NLK: variants seen among roughly 807,000 people sequenced by gnomAD.
The protein encoded by NLK is nemo like kinase.
NLK carries 11 observed loss-of-function variants against 59.0 expected under a neutral mutation model. That is an observed-to-expected ratio of 0.19 (90% confidence interval 0.12 to 0.31). NLK has a LOEUF of 0.31. Among genes scored for constraint, NLK ranks in the 10% least tolerant of loss-of-function variants. The probability of loss-of-function intolerance (pLI) is 1.00; values close to 1 mark genes in which losing one functional copy is unlikely to be tolerated. For missense variants in NLK, 410 were observed against 661.1 expected (o/e 0.62, Z 4.16); for synonymous variants, 235 against 235.9 (o/e 1.00, Z 0.03).
chr17:28,073,170 A>C (rs1368211871), intron 1 of NLK, among the ~76,000 whole-genome samples: 1 of 152,034 alleles, frequency 6.6e-6, no homozygotes, highest in Non-Finnish European at 1.5e-5. Context: ...GTGGAGACAT[A>C]TTTCTGTTTT....
At chr17:28,153,273 TC>T (rs1907562011) in intron 3 of NLK, among the ~76,000 whole-genome samples, 1 of 127,758 alleles carries the variant, frequency 7.8e-6, no homozygotes. Context: ...AAATTCCCCC[TC>T]AAAAAAAAAA....
chr17:28,199,492 C>A (rs1909567985), downstream of NLK, among the ~76,000 whole-genome samples: 1 of 151,874 alleles, frequency 6.6e-6, no homozygotes, highest in South Asian at 2.1e-4. Flanking sequence ...ATGGTGAAAA[C>A]CCGTCTCTAC....
downstream of NLK, among the ~76,000 whole-genome samples, chr17:28,200,261 AC>A (rs1909595461): frequency 6.6e-6 from 1 of 152,006 alleles, no homozygotes; most frequent in Non-Finnish European, 1.5e-5. Flanking sequence ...ATTTTCTCCT[AC>A]TTTTCTCTAA....
chr17:28,180,948 A>G (rs2142065139), intron 7 of NLK, among the ~76,000 whole-genome samples: 1 of 152,324 alleles, frequency 6.6e-6, no homozygotes, highest in African/African-American at 2.4e-5. Flanking sequence ...ATAGACTCAC[A>G]CATTTTTAAA....
rs1054544906 is a variant in NLK at position 28,060,183 on chromosome 17, G to A, written c.458+16852G>A. Among the ~76,000 whole-genome samples the A allele has an allele frequency of 2.0e-5, 3 of 152,188 alleles. No individual in the cohort carries two copies. In the South Asian group the frequency reaches 6.2e-4, roughly 32 times the overall value. ...CATTATATACAAAAATGAAGTCCAAGTGGATTAAAGATTTTAAGAAACAAA... is the reference window on the plus strand; with the variant it reads ...CATTATATACAAAAATGAAGTCCAAATGGATTAAAGATTTTAAGAAACAAA... On this transcript the variant is annotated intron_variant, in intron 1 of 10. Coordinates refer to ENST00000407008, the MANE Select transcript of NLK (RefSeq NM_016231.5).
chr17:28,118,430 A>G (rs1434199604), intron 1 of NLK, among the ~76,000 whole-genome samples: 9 of 152,202 alleles, frequency 5.9e-5, no homozygotes, highest in African/African-American at 2.2e-4. Context: ...AAAACTGCTA[A>G]CACATGGGGG....
At chr17:28,065,439 ATG>A (rs1170677309) in intron 1 of NLK, among the ~76,000 whole-genome samples, 2 of 152,160 alleles carry the variant, frequency 1.3e-5, no homozygotes, top group Non-Finnish European at 2.9e-5. Flanking sequence ...TGTAGGATGA[ATG>A]TGATCGCTAA....
At chr17:28,068,605 C>T (rs898510892) in intron 1 of NLK, among the ~76,000 whole-genome samples, 2 of 151,896 alleles carry the variant, frequency 1.3e-5, no homozygotes, top group South Asian at 2.1e-4. Flanking sequence ...GTTTTTAAAA[C>T]GTATATTTAT....
At chr17:28,158,138 G>GTA (rs1370341232) in intron 3 of NLK, among the ~76,000 whole-genome samples, 1 of 152,138 alleles carries the variant, frequency 6.6e-6, no homozygotes. Flanking sequence ...AACCTAGATG[G>GTA]TATAGCCTAT....
intron 7 of NLK, among the ~76,000 whole-genome samples, chr17:28,173,828 G>C (rs1420130509): frequency 3.3e-5 from 5 of 152,168 alleles, no homozygotes; most frequent in African/African-American, 1.2e-4. Context: ...TGTGTCCTTA[G>C]AAGTAGCAAA....
intron 1 of NLK, among the ~76,000 whole-genome samples, chr17:28,057,629 G>C (rs1909486981): frequency 6.6e-6 from 1 of 152,124 alleles, no homozygotes; most frequent in Admixed American, 6.5e-5. Context: ...GTAAGATCTG[G>C]TTTCACAATT....
At chr17:28,059,887 A>G (rs952008043) in intron 1 of NLK, among the ~76,000 whole-genome samples, 2 of 152,252 alleles carry the variant, frequency 1.3e-5, no homozygotes, top group East Asian at 1.9e-4. Flanking sequence ...TTCATCATAC[A>G]GATAAAATAG....
At chr17:28,055,197 A>G (rs187615546) in intron 1 of NLK, among the ~76,000 whole-genome samples, 30 of 151,352 alleles carry the variant, frequency 2.0e-4, no homozygotes, top group Admixed American at 3.3e-4. Context: ...GGTTCAAGCA[A>G]TTCTTCTGCC....
chr17:28,073,995 C>G (rs1316688207), intron 1 of NLK, among the ~76,000 whole-genome samples: 1 of 152,170 alleles, frequency 6.6e-6, no homozygotes, highest in African/African-American at 2.4e-5. Context: ...CTAGCTAGGA[C>G]TGTTATAACT....
chr17:28,096,800 G>A (rs1904716628), intron 1 of NLK, among the ~76,000 whole-genome samples: 1 of 152,182 alleles, frequency 6.6e-6, no homozygotes, highest in Non-Finnish European at 1.5e-5. Flanking sequence ...AATCACTGGT[G>A]TCAGAGAAAC....
At chr17:28,154,417 A>ATAAATGATTAACCCAGGAAGGAGGATC (rs1907614916) in intron 3 of NLK, among the ~76,000 whole-genome samples, 1 of 152,186 alleles carries the variant, frequency 6.6e-6, no homozygotes, top group South Asian at 2.1e-4. Flanking sequence ...ACTCTTCTGA[A>ATAAATGATTAACCCAGGAAGGAGGATC]TAAATGATTA....
At chr17:28,071,746 T>A (rs1910013976) in intron 1 of NLK, among the ~76,000 whole-genome samples, 1 of 152,218 alleles carries the variant, frequency 6.6e-6, no homozygotes. Context: ...GAAGGCTTCA[T>A]CAGAAAGAAT....
intron 2 of NLK, among the ~76,000 whole-genome samples, chr17:28,130,270 A>G (rs1286201477): frequency 6.6e-6 from 1 of 152,168 alleles, no homozygotes; most frequent in Non-Finnish European, 1.5e-5. Context: ...CTCTGCCACT[A>G]TACCTTCTCA....
At chr17:28,187,763 C>T (rs1210143156) in intron 8 of NLK, among the ~76,000 whole-genome samples, 1 of 152,162 alleles carries the variant, frequency 6.6e-6, no homozygotes, top group Non-Finnish European at 1.5e-5. Flanking sequence ...TATTCCTTAA[C>T]AGTGGGATTA....
Sources: allele counts gnomAD v4.1 joint callset (sites outside exome capture counted in the v4.1 genomes callset), GRCh38; gene constraint gnomAD v4.1.1; transcripts MANE v1.5; gene names NCBI Gene and HGNC (gene_info 2026-07-23, HGNC 2026-07-21).